The following PRKCE variants were observed in gnomAD, a reference collection of about 807,000 sequenced individuals.
The protein encoded by PRKCE is protein kinase C epsilon.
PRKCE carries 16 observed loss-of-function variants against 85.4 expected under a neutral mutation model. The ratio of observed to expected loss-of-function variants is 0.19; its 90% CI spans 0.13 to 0.28. The LOEUF (loss-of-function observed/expected upper bound fraction) is 0.28, where lower values mean the gene tolerates loss of function less well. Among genes scored for constraint, PRKCE ranks in the 10% least tolerant of loss-of-function variants. The probability of loss-of-function intolerance (pLI) is 1.00; values close to 1 mark genes in which losing one functional copy is unlikely to be tolerated. For missense variants in PRKCE, 573 were observed against 975.2 expected (o/e 0.59, Z 5.49); for synonymous variants, 388 against 371.5 (o/e 1.04, Z -0.51).
chr2:45,764,714 T>C (rs1684773302), intron 1 of PRKCE, among the ~76,000 whole-genome samples: 1 of 152,176 alleles, frequency 6.6e-6, no homozygotes, highest in South Asian at 2.1e-4. Context: ...AGAAATAAGC[T>C]CAAATTATTA....
At chr2:45,858,853 C>T (rs533131446) in intron 2 of PRKCE, among the ~76,000 whole-genome samples, 2 of 151,996 alleles carry the variant, frequency 1.3e-5, no homozygotes, top group South Asian at 4.2e-4. Flanking sequence ...CCAGCCTGGC[C>T]AACATGGTGA....
At chr2:46,069,994 C>T (rs1471836716) in intron 10 of PRKCE, among the ~76,000 whole-genome samples, 2 of 152,218 alleles carry the variant, frequency 1.3e-5, no homozygotes, top group Non-Finnish European at 2.9e-5. Context: ...TTCACTTCTG[C>T]TGTTGAGTAG....
At chr2:45,851,473 C>T (rs6760399) in intron 2 of PRKCE, among the ~76,000 whole-genome samples, 64,775 of 151,890 alleles carry the variant, frequency 0.43, 13,965 homozygotes, top group East Asian at 0.53. Flanking sequence ...TGTGTGTTTG[C>T]AGGTTGTCTA....
At chr2:46,025,934 C>T (rs1022250025) in intron 10 of PRKCE, among the ~76,000 whole-genome samples, 2 of 152,138 alleles carry the variant, frequency 1.3e-5, no homozygotes, top group African/African-American at 4.8e-5. Context: ...AGCCTGTGTC[C>T]TGGGTACTAG....
intron 1 of PRKCE, among the ~76,000 whole-genome samples, chr2:45,841,562 T>C (rs143048853): frequency 1.5e-3 from 226 of 152,330 alleles, no homozygotes; most frequent in Non-Finnish European, 2.1e-3. Context: ...CCCACCCAGA[T>C]TGAGAATGGA....
chr2:46,065,362 C>G (rs778582769), intron 10 of PRKCE, among the ~76,000 whole-genome samples: 13 of 152,056 alleles, frequency 8.5e-5, no homozygotes, highest in Non-Finnish European at 1.8e-4. Context: ...CTAATATTCT[C>G]TTAAAATAAT....
At chr2:46,135,330 C>T (rs983931905) in intron 11 of PRKCE, among the ~76,000 whole-genome samples, 1 of 152,200 alleles carries the variant, frequency 6.6e-6, no homozygotes, top group Non-Finnish European at 1.5e-5. Context: ...ATTTTTTTCT[C>T]CTCAAACAAC....
chr2:45,930,227 A>G (rs1698936253), intron 2 of PRKCE, among the ~76,000 whole-genome samples: 1 of 152,208 alleles, frequency 6.6e-6, no homozygotes, highest in African/African-American at 2.4e-5. Flanking sequence ...ACTGAATTAG[A>G]AATAGAGGAA....
chr2:45,996,815 T>G (rs1704259362), intron 6 of PRKCE, among the ~76,000 whole-genome samples: 1 of 152,194 alleles, frequency 6.6e-6, no homozygotes, highest in African/African-American at 2.4e-5. Context: ...ATCTTTGCTT[T>G]GATATTATGG....
intron 10 of PRKCE, among the ~76,000 whole-genome samples, chr2:46,052,544 C>A (rs1471421424): frequency 6.6e-6 from 1 of 152,172 alleles, no homozygotes; most frequent in Non-Finnish European, 1.5e-5. Flanking sequence ...GGAGAAGACA[C>A]AGTATTATTA....
In PRKCE at chr2:45,905,379, A is replaced by T. The variant is rs1245988880; in HGVS notation, c.412+62316A>T. On this transcript the variant is annotated intron_variant, in intron 2 of 14. Transcript: ENST00000306156. This position sits in a 1 kb window ranked among gnomAD's most constrained non-coding sequence, Gnocchi z 4.4. Reference sequence around the variant, plus strand: ...CACAATCAATATCCAGCTTCTAAACATTATACATATTGATGAGCTGATTGC... The same window carrying T: ...CACAATCAATATCCAGCTTCTAAACTTTATACATATTGATGAGCTGATTGC... Among the ~76,000 whole-genome samples the T allele has an allele frequency of 6.6e-6, 1 of 152,242 alleles. No homozygotes were observed. Among genetic ancestry groups the T allele is most frequent in the Non-Finnish European group, 1.5e-5 (1 of 68,036 alleles).
chr2:45,798,606 G>T (rs1376840655), intron 1 of PRKCE, among the ~76,000 whole-genome samples: 1 of 152,188 alleles, frequency 6.6e-6, no homozygotes, highest in Non-Finnish European at 1.5e-5. Context: ...AGTTTTATAT[G>T]ATTGAAAGCA....
chr2:45,769,137 C>T (rs1433262798), intron 1 of PRKCE, among the ~76,000 whole-genome samples: 1 of 152,154 alleles, frequency 6.6e-6, no homozygotes, highest in East Asian at 1.9e-4. Context: ...TATTTTTAAT[C>T]ATCTGGAGTC....
chr2:46,051,890 G>A (rs1265807483), intron 10 of PRKCE, among the ~76,000 whole-genome samples: 1 of 152,178 alleles, frequency 6.6e-6, no homozygotes, highest in Non-Finnish European at 1.5e-5. Flanking sequence ...AGAGAGAGAA[G>A]AAGTGCACGA....
intron 2 of PRKCE, among the ~76,000 whole-genome samples, chr2:45,871,772 C>T (rs1694104849): frequency 1.3e-5 from 2 of 152,214 alleles, no homozygotes; most frequent in Admixed American, 1.3e-4. Flanking sequence ...AACTTCTCCA[C>T]AGTTCCCTCC....
chr2:45,764,323 C>T (rs909546722), intron 1 of PRKCE, among the ~76,000 whole-genome samples: 1 of 152,184 alleles, frequency 6.6e-6, no homozygotes, highest in African/African-American at 2.4e-5. Context: ...GAAATTCAAA[C>T]ACGTGGTTTA....
At position 45,911,075 on chromosome 2, in the gene PRKCE, C is replaced by A. The variant is rs568147141; in HGVS notation, c.413-65354C>A. Among the ~76,000 whole-genome samples, 10 of 152,318 alleles carry A rather than the reference C, an allele frequency of 6.6e-5. No homozygotes were observed. The South Asian group carries it at 2.1e-3, about 32-fold the overall frequency. On this transcript the variant is annotated intron_variant, in intron 2 of 14. Coordinates refer to ENST00000306156, the MANE Select transcript of PRKCE (RefSeq NM_005400.3). The stretch of plus-strand genomic sequence containing the variant: ...GTGGACTGATTGCATTGAGCAGCTG[C>A]CATGTGCAGGCCTTTGTTTCAAACC...
chr2:45,767,859 A>G (rs564972730), intron 1 of PRKCE, among the ~76,000 whole-genome samples: 4 of 152,304 alleles, frequency 2.6e-5, no homozygotes, highest in Admixed American at 2.0e-4. Flanking sequence ...TTTGCCTCCT[A>G]GAGCATTGTA....
At chr2:45,935,067 T>TCTTACA (rs34264556) in intron 2 of PRKCE, among the ~76,000 whole-genome samples, 1 of 146,248 alleles carries the variant, frequency 6.8e-6, no homozygotes, top group African/African-American at 2.6e-5. Flanking sequence ...ACTCTCTCTC[T>TCTTACA]CACACACACA....
Sources: allele counts gnomAD v4.1 joint callset (sites outside exome capture counted in the v4.1 genomes callset), GRCh38; gene constraint gnomAD v4.1.1; non-coding constraint Gnocchi (gnomAD v3.1); transcripts MANE v1.5; gene names NCBI Gene and HGNC (gene_info 2026-07-23, HGNC 2026-07-21).